The following PLEKHG1 variants were observed in gnomAD, a reference collection of about 807,000 sequenced individuals.
The protein encoded by PLEKHG1 is pleckstrin homology and RhoGEF domain containing G1, also known as pleckstrin homology domain-containing family G member 1.
PLEKHG1 carries 44 observed loss-of-function variants against 100.8 expected under a neutral mutation model. That is an observed-to-expected ratio of 0.44 (90% CI 0.34 to 0.56). The LOEUF (loss-of-function observed/expected upper bound fraction) is 0.56. PLEKHG1 is among the 20% of genes least tolerant of loss of function. PLEKHG1 has a pLI of 0.01. For synonymous variants in PLEKHG1, 640 were observed against 662.5 expected (o/e 0.97, Z 0.52); for missense variants, 1,545 against 1,720.9 (o/e 0.90, Z 1.81).
chr6:150,808,758 A>G (rs1300809260), intron 7 of PLEKHG1, among the ~76,000 whole-genome samples: 2 of 152,236 alleles, frequency 1.3e-5, no homozygotes, highest in Middle Eastern at 3.4e-3. Flanking sequence ...TCTCAAGAAA[A>G]CAAAACAAAA....
Position 150,683,650 on chromosome 6 carries a change from A to G in PLEKHG1, c.-99+32864A>G. The G allele has an allele frequency of 2.1e-6, 1 of 481,700 alleles. No individual in the cohort carries two copies. Among genetic ancestry groups the G allele is most frequent in the Non-Finnish European group, 3.4e-6 (1 of 295,954 alleles). The allele number at this position is 481,700 out of a possible 1,614,324, so 29.8% of individuals were successfully genotyped here. On this transcript the variant is annotated intron_variant, in intron 3 of 3. Transcript: ENST00000367326. This position sits in a 1 kb window ranked among gnomAD's most constrained non-coding sequence, Gnocchi z 4.0. ...GGACACTGTGCATCCACCTGCTATA[A>G]CTGGCAAACTAAGGATGACAGAGTG...
intron 2 of PLEKHG1, among the ~76,000 whole-genome samples, chr6:150,639,981 A>G (rs1778184753): frequency 6.6e-6 from 1 of 152,058 alleles, no homozygotes; most frequent in Non-Finnish European, 1.5e-5. Context: ...AAATGGAAAA[A>G]CCCTAAGGCC....
intron 3 of PLEKHG1, among the ~76,000 whole-genome samples, chr6:150,667,414 A>G (rs766214809): frequency 8.5e-5 from 13 of 152,230 alleles, no homozygotes; most frequent in Admixed American, 7.9e-4. Flanking sequence ...TTTTCAACAT[A>G]TATGTACTAA....
intron 3 of PLEKHG1, among the ~76,000 whole-genome samples, chr6:150,693,896 C>A (rs1024321472): frequency 1.3e-5 from 2 of 152,218 alleles, no homozygotes; most frequent in African/African-American, 2.4e-5. Context: ...GCAAAAGATG[C>A]AAACAGCGCT....
rs1776938999 is a variant in PLEKHG1, at chr6:150,831,657, A to G, written c.2546A>G (p.Asn849Ser). Residue 849 changes from asparagine (N) to serine (S), a missense_variant, in exon 15 of 16, where the codon AAT (asparagine) becomes AGT (serine). Transcript: ENST00000358517. This position sits in a 1 kb window ranked among gnomAD's most constrained non-coding sequence, Gnocchi z 4.1. ...GACCTGGAAAATTACATCAAGAAAA[A>G]TGAAGACAAGGCCAGAGACCGTCTC... 6.2e-7 allele frequency: 1 copy of G among 1,613,304 alleles called. No individual in the cohort carries two copies. Among genetic ancestry groups the G allele is most frequent in the African/African-American group, 1.3e-5 (1 of 74,938 alleles).
At chr6:150,601,799 C>T (rs149615594) in intron 1 of PLEKHG1, among the ~76,000 whole-genome samples, 26 of 152,290 alleles carry the variant, frequency 1.7e-4, no homozygotes, top group African/African-American at 6.3e-4. Flanking sequence ...ACCTGGCAAT[C>T]AGATGCCAGA....
chr6:150,677,858 CAG>C (rs1444510619), intron 3 of PLEKHG1, among the ~76,000 whole-genome samples: 1 of 151,772 alleles, frequency 6.6e-6, no homozygotes, highest in Non-Finnish European at 1.5e-5. Context: ...GCCTGGGTGA[CAG>C]AGTGAGACCC....
At chr6:150,688,140 T>G (rs1239417992) in intron 3 of PLEKHG1, among the ~76,000 whole-genome samples, 1 of 146,880 alleles carries the variant, frequency 6.8e-6, no homozygotes, top group Non-Finnish European at 1.5e-5. Flanking sequence ...CCGTAAGAAG[T>G]GCGAATCACA....
rs1554255839 is a variant in PLEKHG1 at position 150,644,334 on chromosome 6, G to GTTTTGTTTTTT, written c.-158+6213_-158+6214insGTTTTTTTTTT. On this transcript the variant is annotated intron_variant, in intron 2 of 3. Coordinates refer to the PLEKHG1 transcript ENST00000367326. ...AAGAGAGTGGTTTTTTTCTTTTCGT[G>GTTTTGTTTTTT]TTTTTTTTTTTTTTTTTTGTTACAG... 4.8e-4 allele frequency among the ~76,000 whole-genome samples: 57 copies of GTTTTGTTTTTT among 117,598 alleles called. 1 individual carries two copies. Among genetic ancestry groups the GTTTTGTTTTTT allele is most frequent in the Middle Eastern group, 4.5e-3 (1 of 224 alleles). 77.1% of individuals were successfully genotyped at this position (117,598 alleles called of 152,430 possible). A position where few individuals can be genotyped will look rare whatever the true frequency, so the allele number is the denominator to read the frequency against.
intron 6 of PLEKHG1, among the ~76,000 whole-genome samples, chr6:150,802,039 C>T (rs9397024): frequency 0.39 from 59,453 of 151,978 alleles, 13,144 homozygotes; most frequent in East Asian, 0.71. Context: ...TTCCTCTCCA[C>T]GTCAACAGGC....
At chr6:150,824,875 C>A (rs945345699) in intron 14 of PLEKHG1, among the ~76,000 whole-genome samples, 1 of 152,120 alleles carries the variant, frequency 6.6e-6, no homozygotes, top group African/African-American at 2.4e-5. Context: ...GAGGTGTGCG[C>A]ATTTTTTTTT....
chr6:150,729,727 G>A (rs918739206), intron 1 of PLEKHG1, among the ~76,000 whole-genome samples: 1 of 152,100 alleles, frequency 6.6e-6, no homozygotes, highest in Admixed American at 6.6e-5. Context: ...TAAATGCTAC[G>A]GACACCAAAC....
chr6:150,693,783 T>A (rs1337134022), intron 3 of PLEKHG1, among the ~76,000 whole-genome samples: 1 of 152,180 alleles, frequency 6.6e-6, no homozygotes, highest in African/African-American at 2.4e-5. Flanking sequence ...GCATAAATCA[T>A]ACATAAATCT....
chr6:150,634,252 A>G (rs1045957410), intron 1 of PLEKHG1, among the ~76,000 whole-genome samples: 2 of 148,204 alleles, frequency 1.3e-5, no homozygotes, highest in East Asian at 3.9e-4. Context: ...CTCCCCCCCA[A>G]AAAAAAAAAA....
chr6:150,646,638 G>T (rs1258805652), intron 2 of PLEKHG1, among the ~76,000 whole-genome samples: 1 of 152,146 alleles, frequency 6.6e-6, no homozygotes, highest in Non-Finnish European at 1.5e-5. Flanking sequence ...CAAGAAAGGG[G>T]TTTTTATGTT....
intron 3 of PLEKHG1, among the ~76,000 whole-genome samples, chr6:150,674,000 G>A (rs1231622781): frequency 6.6e-6 from 1 of 152,052 alleles, no homozygotes; most frequent in African/African-American, 2.4e-5. Context: ...GTTTGTAGAA[G>A]AGAGCCTGAC....
intron 10 of PLEKHG1, among the ~76,000 whole-genome samples, chr6:150,811,856 G>T (rs1302726283): frequency 6.6e-6 from 1 of 152,186 alleles, no homozygotes; most frequent in African/African-American, 2.4e-5. Flanking sequence ...GGCGCAGTCA[G>T]TCCTGTGTTC....
chr6:150,694,606 G>A (rs760289417), intron 3 of PLEKHG1, among the ~76,000 whole-genome samples: 10 of 151,568 alleles, frequency 6.6e-5, no homozygotes, highest in African/African-American at 1.9e-4. Context: ...AGGATGAGGC[G>A]GGAGAATTGC....
intron 3 of PLEKHG1, among the ~76,000 whole-genome samples, chr6:150,668,007 C>T (rs891029858): frequency 8.5e-5 from 13 of 152,128 alleles, no homozygotes; most frequent in Admixed American, 5.2e-4. Flanking sequence ...TATACAAGGG[C>T]GGCTAAAATA....
Sources: allele counts gnomAD v4.1 joint callset (sites outside exome capture counted in the v4.1 genomes callset), GRCh38; gene constraint gnomAD v4.1.1; non-coding constraint Gnocchi (gnomAD v3.1); transcripts MANE v1.5; gene names NCBI Gene and HGNC (gene_info 2026-07-23, HGNC 2026-07-21).